The following SMARCA1 variants were observed in gnomAD, a reference collection of about 807,000 sequenced individuals.
SMARCA1 encodes the protein SNF2 related chromatin remodeling ATPase 1.
Under a neutral mutation model 93.6 loss-of-function variants are expected in SMARCA1, and 17 were observed. The ratio of observed to expected loss-of-function variants is 0.18; its 90% confidence interval spans 0.12 to 0.27. SMARCA1 has a LOEUF of 0.27. Ranked by LOEUF, SMARCA1 falls within the 10% of genes least tolerant of loss-of-function variation. The pLI is 1.00. For synonymous variants in SMARCA1, 271 were observed against 271.4 expected (o/e 1.00, Z 0.01); for missense variants, 630 against 819.0 (o/e 0.77, Z 2.82).
At chrX:129,465,397 G>C in intron 23 of SMARCA1, 123 bp downstream of exon 23, 1 of 475,152 alleles carries the variant, frequency 2.1e-6, no homozygotes, top group Non-Finnish European at 3.7e-6. Context: ...CACACAGAGA[G>C]AGAGAAAGAG....
intron 23 of SMARCA1, among the ~76,000 whole-genome samples, chrX:129,459,427 A>G (rs1339111250): frequency 8.9e-6 from 1 of 112,320 alleles, no homozygotes; most frequent in African/African-American, 3.2e-5. Context: ...CAAAAAAAGA[A>G]AAAAAGAAAA....
intron 8 of SMARCA1, among the ~76,000 whole-genome samples, chrX:129,505,378 G>GTAATCCC (rs1418708512): frequency 9.0e-6 from 1 of 110,541 alleles, no homozygotes; most frequent in Non-Finnish European, 1.9e-5. Flanking sequence ...CAGGTGTGGT[G>GTAATCCC]ACGGGCACCT....
chrX:129,479,067 G>A lies in SMARCA1; in HGVS notation c.2442+1634C>T, dbSNP rs1933525530. On this transcript the variant is annotated intron_variant, in intron 19 of 24. Transcript: ENST00000371121. ...GAGATGATAATAACACCTACTTCAT[G>A]AGGTTGTTAGGAATCAACGACCTCA... Among the ~76,000 whole-genome samples, 3 of 111,613 alleles carry A rather than the reference G, an allele frequency of 2.7e-5. No individual in the cohort carries two copies. In the Admixed American group the frequency reaches 2.8e-4, roughly 11 times the overall value.
intron 2 of SMARCA1, among the ~76,000 whole-genome samples, chrX:129,517,831 T>C (rs1935257750): frequency 1.8e-5 from 2 of 111,750 alleles, no homozygotes; most frequent in South Asian, 7.4e-4. Flanking sequence ...AATATGTAAG[T>C]ATAACTAAGA....
At chrX:129,499,320 A>G (rs2072870335) in intron 10 of SMARCA1, among the ~76,000 whole-genome samples, 1 of 111,926 alleles carries the variant, frequency 8.9e-6, no homozygotes, top group South Asian at 3.7e-4. Context: ...GGGATTACAG[A>G]TGTAAGCCAC....
chrX:129,450,902 CA>C (rs200998232), intron 23 of SMARCA1, among the ~76,000 whole-genome samples: 1,548 of 108,935 alleles, frequency 0.014, 13 homozygotes, highest in Non-Finnish European at 0.022. Context: ...AAATAAAATC[CA>C]AAAAAAATGG....
intron 23 of SMARCA1, among the ~76,000 whole-genome samples, chrX:129,451,503 G>A (rs779903507): frequency 9.0e-6 from 1 of 111,111 alleles, no homozygotes; most frequent in Non-Finnish European, 1.9e-5. Context: ...TCCTAAGCAG[G>A]GAAGTAGAAT....
At chrX:129,515,067 AG>A (rs1935149895) in intron 5 of SMARCA1, among the ~76,000 whole-genome samples, 1 of 110,988 alleles carries the variant, frequency 9.0e-6, no homozygotes, top group East Asian at 2.8e-4. Context: ...TTAAAAAAAA[AG>A]TTACATAAAG....
chrX:129,520,346 A>G (rs1935346052), intron 1 of SMARCA1, among the ~76,000 whole-genome samples: 1 of 111,044 alleles, frequency 9.0e-6, no homozygotes, highest in Non-Finnish European at 1.9e-5. Context: ...TTTCATGTCT[A>G]CAGTGTTGGG....
At chrX:129,518,529 G>A (rs1035515915) in intron 1 of SMARCA1, 82 bp from the exon 2 acceptor site, 24 of 522,238 alleles carry the variant, frequency 4.6e-5, no homozygotes, top group Admixed American at 2.6e-4. Context: ...AGAAGAAGGC[G>A]GAAAGTAATT....
chrX:129,468,179 C>T (rs181599883), intron 21 of SMARCA1, among the ~76,000 whole-genome samples: 4 of 112,551 alleles, frequency 3.6e-5, no homozygotes, highest in African/African-American at 1.3e-4. Context: ...AATCCATATG[C>T]TTCAGCAGCT....
chrX:129,518,576 T>C, intron 1 of SMARCA1, 129 bp from the exon 2 acceptor site: 1 of 393,984 alleles, frequency 2.5e-6, no homozygotes, highest in Non-Finnish European at 4.4e-6. Context: ...GGGACATGTA[T>C]GGACCAATGA....
chrX:129,471,106 C>A, intron 20 of SMARCA1, 98 bp downstream of exon 20: 1 of 632,705 alleles, frequency 1.6e-6, no homozygotes, highest in South Asian at 3.8e-5. Flanking sequence ...TGGTGTGTCA[C>A]ACTAGGATAC....
chrX:129,453,240 G>C (rs924559592), intron 23 of SMARCA1, among the ~76,000 whole-genome samples: 2 of 111,756 alleles, frequency 1.8e-5, no homozygotes, highest in African/African-American at 6.5e-5. Flanking sequence ...AAATGATTAA[G>C]CTTAGTGAGG....
intron 19 of SMARCA1, among the ~76,000 whole-genome samples, chrX:129,479,529 A>G (rs6634746): frequency 0.091 from 10,016 of 109,944 alleles, 422 homozygotes; most frequent in East Asian, 0.32. Flanking sequence ...TTCTAGGCAC[A>G]TTCCAGCTAC....
chrX:129,481,284 G>T, intron 17 of SMARCA1, 99 bp from the exon 18 acceptor site: 1 of 523,178 alleles, frequency 1.9e-6, no homozygotes, highest in Non-Finnish European at 3.2e-6. Flanking sequence ...GGAAGCAAAA[G>T]CCATCAGGAA....
chrX:129,510,167 T>G (rs1431813621), intron 6 of SMARCA1, among the ~76,000 whole-genome samples: 5 of 112,279 alleles, frequency 4.5e-5, no homozygotes, highest in Non-Finnish European at 5.6e-5. Flanking sequence ...CCTTTTGAAT[T>G]GCAATCCAGT....
chrX:129,504,569 A>AAAAAAAAAAAAAC (rs1569446172), intron 9 of SMARCA1, among the ~76,000 whole-genome samples, 165 bp downstream of exon 9: 23 of 98,380 alleles, frequency 2.3e-4, no homozygotes, highest in African/African-American at 9.1e-4. Context: ...AAAAAAAAAA[A>AAAAAAAAAAAAAC]AAAAAAAAAA....
intron 13 of SMARCA1, 109 bp downstream of exon 13, chrX:129,492,931 G>A: frequency 3.1e-6 from 1 of 327,313 alleles, no homozygotes; most frequent in Non-Finnish European, 5.6e-6. Context: ...TTGATGAGGG[G>A]GCGGTGAGAC....
Sources: gnomAD v4.1 joint callset for allele counts (sites outside exome capture counted in the v4.1 genomes callset) on GRCh38, gnomAD v4.1.1 for gene constraint, MANE v1.5 for transcripts, NCBI Gene and HGNC (gene_info 2026-07-23, HGNC 2026-07-21) for gene names.